CLTC: variants seen among roughly 807,000 people sequenced by gnomAD.
CLTC encodes clathrin heavy chain, also known as clathrin heavy chain 1.
In CLTC, 16 loss-of-function variants were observed where a neutral mutation model predicts 195.8. The observed-to-expected ratio is 0.08, with a 90% CI of 0.06 to 0.12. The LOEUF is 0.12. Ranked by LOEUF, CLTC falls within the 10% of genes least tolerant of loss-of-function variation. The probability of loss-of-function intolerance (pLI) is 1.00; values close to 1 mark genes in which losing one functional copy is unlikely to be tolerated. For missense variants in CLTC, 796 were observed against 2,027.0 expected (o/e 0.39, Z 11.66); for synonymous variants, 667 against 689.4 (o/e 0.97, Z 0.51).
chr17:59,659,743 C>T (rs533334278), intron 6 of CLTC, among the ~76,000 whole-genome samples: 66 of 152,020 alleles, frequency 4.3e-4, no homozygotes, highest in East Asian at 3.1e-3. Flanking sequence ...CCACTGCACC[C>T]GGCCTATTTT....
intron 1 of CLTC, among the ~76,000 whole-genome samples, chr17:59,630,897 A>G (rs1201022856): frequency 6.6e-6 from 1 of 152,242 alleles, no homozygotes; most frequent in African/African-American, 2.4e-5. Flanking sequence ...GCCTGTTGTC[A>G]GTTCTTCTAG....
At position 59,683,172 on chromosome 17, in the gene CLTC, T is replaced by C. The variant is rs1011981825; in HGVS notation, c.3951T>C (p.Phe1317=). ...TTGAGCGAGCTCACATGGGAATGTT[T>C]ACTGAATTAGCTATTCTATACTCTA... ...LGLERAHMGM[F]TELAILYSKF... is the part of the protein sequence containing the mutation. Residue 1317 remains phenylalanine (F), a synonymous_variant, in exon 25 of 32, where the codon TTT becomes TTC. Transcript: ENST00000269122. The surrounding 1 kb of genome is among the most constrained non-coding windows in gnomAD (Gnocchi z 6.1). 3 of 1,614,050 alleles carry C rather than the reference T, an allele frequency of 1.9e-6. No homozygotes were observed. Among genetic ancestry groups the C allele is most frequent in the Non-Finnish European group, 2.5e-6 (3 of 1,180,018 alleles).
intron 6 of CLTC, among the ~76,000 whole-genome samples, chr17:59,659,600 A>G (rs533719847): frequency 5.9e-4 from 89 of 151,480 alleles, no homozygotes; most frequent in Non-Finnish European, 1.1e-3. Flanking sequence ...GCGTGCCACC[A>G]TGCCCGGCTA....
At chr17:59,630,187 A>T (rs1027269818) in intron 1 of CLTC, among the ~76,000 whole-genome samples, 1 of 152,020 alleles carries the variant, frequency 6.6e-6, no homozygotes, top group East Asian at 1.9e-4. Flanking sequence ...TTTTTTGTAG[A>T]AATGGGCTTT....
rs769734617 is a variant in CLTC, at chr17:59,660,495, C to T, written c.1074C>T (p.Ala358=). ...ALRMAVRNNL[A]GAEELFARKF... is the part of the protein sequence containing the mutation. ...GAATGGCTGTACGTAATAACTTAGC[C>T]GGTGCTGAAGAACTCTTTGCCCGGA... The change falls in exon 7 of 32, where the codon GCC becomes GCT. Residue 358 remains alanine, a synonymous_variant. Transcript: ENST00000269122. 14 of 1,614,078 alleles carry T rather than the reference C, an allele frequency of 8.7e-6. No individual in the cohort carries two copies. Among genetic ancestry groups the T allele is most frequent in the East Asian group, 2.2e-5 (1 of 44,874 alleles).
chr17:59,664,752 T>G, intron 9 of CLTC, 35 bp from the exon 10 acceptor site: 1 of 1,599,584 alleles, frequency 6.3e-7, no homozygotes, highest in Non-Finnish European at 8.5e-7. Flanking sequence ...AAATTGAAAC[T>G]TAGGAGCAGC....
chr17:59,646,138 C>A, intron 2 of CLTC: 1 of 222,828 alleles, frequency 4.5e-6, no homozygotes, highest in Non-Finnish European at 7.5e-6. Flanking sequence ...TATGTCTGCA[C>A]TATGGAGTCA....
At chr17:59,676,110 G>A (rs1337997230) in intron 16 of CLTC, among the ~76,000 whole-genome samples, 4 of 152,172 alleles carry the variant, frequency 2.6e-5, no homozygotes, top group African/African-American at 9.7e-5. Flanking sequence ...GGAAGCTAAG[G>A]TGAGAGGATT....
chr17:59,666,437 A>G lies in CLTC; in HGVS notation c.1783-43A>G. On this transcript the variant is annotated intron_variant, in intron 11 of 31. Transcript: ENST00000269122. The surrounding 1 kb of genome is among the most constrained non-coding windows in gnomAD (Gnocchi z 4.9). ...AATACGGATATTGAATTACTCATGTAAGTGGAGTGGACAATAAACTTGCCT... is the reference window on the plus strand; with the variant it reads ...AATACGGATATTGAATTACTCATGTGAGTGGAGTGGACAATAAACTTGCCT... 6.3e-7 allele frequency: 1 copy of G among 1,597,258 alleles called. No homozygotes were observed. The highest frequency in any genetic ancestry group is 1.3e-5 in the African/African-American group (1 of 74,646).
Position 59,666,838 on chromosome 17 carries a change from C to T in CLTC, c.1989C>T (p.Ser663=). The part of the protein sequence containing the change: ...NYFGSLSVED[S]LECLRAMLSA... ...TTGGTTCCTTATCAGTAGAAGACTC[C>T]CTAGAATGTCTCAGAGCCATGCTGT... The change falls in exon 13 of 32, where the codon TCC becomes TCT. Residue 663 remains serine, a synonymous_variant. Transcript: ENST00000269122. This position sits in a 1 kb window ranked among gnomAD's most constrained non-coding sequence, Gnocchi z 4.9. 3 of 1,613,694 alleles carry T rather than the reference C, an allele frequency of 1.9e-6. No homozygotes were observed. The East Asian group carries it at 6.7e-5, about 36-fold the overall frequency.
intron 1 of CLTC, among the ~76,000 whole-genome samples, chr17:59,632,511 G>A (rs1247070711): frequency 6.6e-6 from 1 of 151,620 alleles, no homozygotes; most frequent in Non-Finnish European, 1.5e-5. Context: ...GTAATACCAT[G>A]AATTTAAAAA....
At chr17:59,676,680 G>A (rs755242190) in intron 16 of CLTC, among the ~76,000 whole-genome samples, 1 of 152,068 alleles carries the variant, frequency 6.6e-6, no homozygotes, top group Non-Finnish European at 1.5e-5. Context: ...TAAAATTAAT[G>A]TAAAGCCAGG....
At chr17:59,656,203 AAAGCACGATGT>A in intron 6 of CLTC, 176 bp downstream of exon 6, 1 of 544,002 alleles carries the variant, frequency 1.8e-6, no homozygotes, top group Non-Finnish European at 3.1e-6. Context: ...AATATATATC[AAAGCACGATGT>A]AAGCTGATAA....
chr17:59,666,417 G>C lies in CLTC; in HGVS notation c.1783-63G>C. 6.4e-7 allele frequency: 1 copy of C among 1,556,088 alleles called. No homozygotes were observed. Among genetic ancestry groups the C allele is most frequent in the Non-Finnish European group, 8.8e-7 (1 of 1,140,074 alleles). ...ACTATTAAACCTTAATCTGTAATAC[G>C]GATATTGAATTACTCATGTAAGTGG... On this transcript the variant is annotated intron_variant, in intron 11 of 31. Transcript: ENST00000269122. This position sits in a 1 kb window ranked among gnomAD's most constrained non-coding sequence, Gnocchi z 4.9.
chr17:59,653,492 C>A (rs1364973223), intron 5 of CLTC, among the ~76,000 whole-genome samples: 1 of 151,668 alleles, frequency 6.6e-6, no homozygotes, highest in African/African-American at 2.4e-5. Flanking sequence ...CACGCCCGGC[C>A]TCCTCTCCCT....
At chr17:59,680,309 A>T (rs1307704290) in intron 18 of CLTC, among the ~76,000 whole-genome samples, 1 of 152,184 alleles carries the variant, frequency 6.6e-6, no homozygotes, top group Admixed American at 6.5e-5. Flanking sequence ...TGCAAATGAG[A>T]TGGGGTTTTA....
intron 8 of CLTC, among the ~76,000 whole-genome samples, chr17:59,663,116 C>CT (rs2032647967): frequency 6.6e-6 from 1 of 152,140 alleles, no homozygotes; most frequent in Non-Finnish European, 1.5e-5. Context: ...TCTGATACAA[C>CT]TTTTTATTTT....
chr17:59,679,667 A>G, intron 18 of CLTC, 148 bp downstream of exon 18: 1 of 502,402 alleles, frequency 2.0e-6, no homozygotes, highest in Non-Finnish European at 3.2e-6. Context: ...TAAAATTTAT[A>G]TATATTCAAT....
At chr17:59,659,229 A>C (rs2032550194) in intron 6 of CLTC, among the ~76,000 whole-genome samples, 1 of 152,078 alleles carries the variant, frequency 6.6e-6, no homozygotes, top group Non-Finnish European at 1.5e-5. Flanking sequence ...AGTAGTTTAT[A>C]AGCTAGGGCA....
Sources: gnomAD v4.1 joint callset for allele counts (sites outside exome capture counted in the v4.1 genomes callset) on GRCh38, gnomAD v4.1.1 for gene constraint, Gnocchi (gnomAD v3.1) non-coding constraint, MANE v1.5 for transcripts, NCBI Gene and HGNC (gene_info 2026-07-23, HGNC 2026-07-21) for gene names.